LNPK: variants seen among roughly 807,000 people sequenced by gnomAD.
LNPK encodes endoplasmic reticulum junction formation protein lunapark.
Under a neutral mutation model 55.2 loss-of-function variants are expected in LNPK, and 29 were observed. The observed-to-expected ratio is 0.53, with a 90% confidence interval of 0.39 to 0.72. The LOEUF (loss-of-function observed/expected upper bound fraction) is 0.72. Among genes scored for constraint, LNPK ranks in the 30% least tolerant of loss-of-function variants. LNPK has a pLI of 0.00. For synonymous variants in LNPK, 162 were observed against 168.2 expected (o/e 0.96, Z 0.29); for missense variants, 467 against 494.8 (o/e 0.94, Z 0.53).
At chr2:175,930,309 CACACACACAA>C (rs1574795100) in intron 12 of LNPK, 110 bp from the exon 13 acceptor site, 5 of 416,208 alleles carry the variant, frequency 1.2e-5, no homozygotes, top group Non-Finnish European at 2.1e-5. Context: ...CACACACACA[CACACACACAA>C]AGAAACCATA....
chr2:175,935,688 T>C (rs949335353), intron 12 of LNPK: 1 of 700,772 alleles, frequency 1.4e-6, no homozygotes, highest in African/African-American at 1.9e-5. Flanking sequence ...TCCAGTTTTG[T>C]CTTCATGTAA....
chr2:175,992,546 T>A (rs1341102347), intron 3 of LNPK, 128 bp from the exon 4 acceptor site: 2 of 540,964 alleles, frequency 3.7e-6, no homozygotes, highest in Non-Finnish European at 6.2e-6. Flanking sequence ...AAGCATAATA[T>A]TCTAACAGTT....
At chr2:175,938,559 C>G (rs1684663817) in intron 10 of LNPK, 176 bp from the exon 11 acceptor site, 1 of 396,398 alleles carries the variant, frequency 2.5e-6, no homozygotes, top group East Asian at 3.7e-5. Context: ...CCAAAATTAA[C>G]CAAAGCCCAA....
At chr2:175,995,780 G>T in intron 1 of LNPK, 134 bp from the exon 2 acceptor site, 1 of 193,616 alleles carries the variant, frequency 5.2e-6, no homozygotes, top group South Asian at 6.9e-5. Context: ...TTTGATTTCA[G>T]ACAGTTATTG....
intron 5 of LNPK, among the ~76,000 whole-genome samples, chr2:175,979,455 A>T (rs1161068826): frequency 6.6e-6 from 1 of 151,996 alleles, no homozygotes; most frequent in Non-Finnish European, 1.5e-5. Flanking sequence ...GCTACTCTGG[A>T]GGCTGAGGCA....
intron 2 of LNPK, among the ~76,000 whole-genome samples, chr2:175,995,153 C>T (rs1047077123): frequency 1.3e-5 from 2 of 151,910 alleles, no homozygotes; most frequent in African/African-American, 4.8e-5. Flanking sequence ...AACTCCTGAA[C>T]TCATGATCTG....
chr2:175,934,318 G>GTAA (rs1288769326), intron 12 of LNPK, among the ~76,000 whole-genome samples: 1 of 151,994 alleles, frequency 6.6e-6, no homozygotes, highest in Non-Finnish European at 1.5e-5. Context: ...CAACCTAATG[G>GTAA]TAACAGTATT....
At chr2:175,933,323 A>C (rs993888349) in intron 12 of LNPK, among the ~76,000 whole-genome samples, 22 of 152,190 alleles carry the variant, frequency 1.4e-4, no homozygotes, top group Admixed American at 1.2e-3. Flanking sequence ...AAAGAATATC[A>C]TGTTTAGGTT....
Position 175,962,837 on chromosome 2 carries a change from T to C in LNPK, c.493+1535A>G, listed in dbSNP as rs1255686092. On this transcript the variant is annotated intron_variant, in intron 8 of 12. Coordinates refer to ENST00000272748, the MANE Select transcript of LNPK (RefSeq NM_030650.3). Reference sequence around the variant, plus strand: ...AAGGGCTAATATCCAGAATCTACAATGAACTCAAACAAATTTACAAGAAAA... The same window carrying C: ...AAGGGCTAATATCCAGAATCTACAACGAACTCAAACAAATTTACAAGAAAA... Among the ~76,000 whole-genome samples, 3 of 151,298 alleles carry C rather than the reference T, an allele frequency of 2.0e-5. No individual in the cohort carries two copies. In the East Asian group the frequency reaches 5.8e-4, roughly 29 times the overall value.
chr2:175,982,049 C>CA (rs1160865254), intron 4 of LNPK, among the ~76,000 whole-genome samples: 4 of 151,952 alleles, frequency 2.6e-5, no homozygotes, highest in African/African-American at 4.8e-5. Context: ...CCTAAAAGTA[C>CA]AAAAAACACC....
chr2:175,931,419 A>G (rs1684276267), intron 12 of LNPK, among the ~76,000 whole-genome samples: 1 of 152,100 alleles, frequency 6.6e-6, no homozygotes, highest in Admixed American at 6.5e-5. Flanking sequence ...TGGTTTTACC[A>G]TACAAGTTTA....
At chr2:175,968,489 T>C (rs573477946) in intron 6 of LNPK, among the ~76,000 whole-genome samples, 2 of 152,212 alleles carry the variant, frequency 1.3e-5, no homozygotes, top group Non-Finnish European at 2.9e-5. Flanking sequence ...AGAGGGATTA[T>C]CTGCTTGCAC....
At chr2:175,993,779 C>A (rs1687809765) in intron 2 of LNPK, among the ~76,000 whole-genome samples, 1 of 151,194 alleles carries the variant, frequency 6.6e-6, no homozygotes, top group South Asian at 2.1e-4. Context: ...GGTGACAGAG[C>A]AAGACTCCAT....
intron 1 of LNPK, among the ~76,000 whole-genome samples, chr2:175,999,156 T>C (rs1442029321): frequency 2.0e-5 from 3 of 152,244 alleles, no homozygotes; most frequent in African/African-American, 7.2e-5. Flanking sequence ...TTTACTGTAA[T>C]GCATATGTAA....
At chr2:175,950,392 G>A (rs986309838) in intron 8 of LNPK, among the ~76,000 whole-genome samples, 1 of 151,960 alleles carries the variant, frequency 6.6e-6, no homozygotes, top group Non-Finnish European at 1.5e-5. Flanking sequence ...AAAATAGCTA[G>A]AAGAGAAGAA....
intron 4 of LNPK, among the ~76,000 whole-genome samples, chr2:175,987,295 T>C (rs1275109060): frequency 3.9e-5 from 6 of 152,142 alleles, no homozygotes; most frequent in African/African-American, 1.4e-4. Context: ...AATGATAGAC[T>C]GGACTAAGAA....
At chr2:175,959,396 G>C (rs1167240304) in intron 8 of LNPK, among the ~76,000 whole-genome samples, 1 of 152,184 alleles carries the variant, frequency 6.6e-6, no homozygotes, top group African/African-American at 2.4e-5. Context: ...ACAGAAGAGA[G>C]CGGGGGTCAA....
intron 8 of LNPK, among the ~76,000 whole-genome samples, chr2:175,955,601 T>C (rs1685654197): frequency 6.6e-6 from 1 of 152,202 alleles, no homozygotes. Flanking sequence ...ACAAGGCAAA[T>C]TTATTAAGGT....
chr2:175,969,038 A>G (rs1686520637), intron 6 of LNPK, among the ~76,000 whole-genome samples: 1 of 152,040 alleles, frequency 6.6e-6, no homozygotes. Context: ...AAAAAAAAAA[A>G]CCAAAGTGTA....
Sources: gnomAD v4.1 joint callset for allele counts (sites outside exome capture counted in the v4.1 genomes callset) on GRCh38, gnomAD v4.1.1 for gene constraint, MANE v1.5 for transcripts, NCBI Gene and HGNC (gene_info 2026-07-23, HGNC 2026-07-21) for gene names.